Variants in CASK observed in about 807,000 individuals in gnomAD.
CASK encodes peripheral plasma membrane protein CASK.
In CASK, 4 loss-of-function variants were observed where a neutral mutation model predicts 82.9. The observed-to-expected ratio is 0.05, with a 90% CI of 0.02 to 0.11. CASK has a LOEUF of 0.11. Among genes scored for constraint, CASK ranks in the 10% least tolerant of loss-of-function variants. The pLI, the probability that CASK is intolerant of heterozygous loss-of-function variation, is 1.00. For synonymous variants in CASK, 259 were observed against 253.5 expected (o/e 1.02, Z -0.20); for missense variants, 358 against 720.9 (o/e 0.50, Z 5.76).
chrX:41,794,509 T>C (rs2069803993), intron 2 of CASK, among the ~76,000 whole-genome samples: 1 of 112,455 alleles, frequency 8.9e-6, no homozygotes, highest in Non-Finnish European at 1.9e-5. Context: ...GGCATTTGAC[T>C]ATTAGAAAAA....
chrX:41,754,086 T>C (rs1362432027), intron 3 of CASK, among the ~76,000 whole-genome samples: 5 of 111,152 alleles, frequency 4.5e-5, no homozygotes, highest in African/African-American at 1.6e-4. Flanking sequence ...AATTTACTGC[T>C]ATAAATGTAC....
intron 9 of CASK, among the ~76,000 whole-genome samples, chrX:41,633,766 CTT>C (rs1247479508): frequency 9.7e-6 from 1 of 103,095 alleles, no homozygotes; most frequent in Non-Finnish European, 2.0e-5. Flanking sequence ...TCTTTTTTCT[CTT>C]TTTTTTTTTG....
At chrX:41,858,122 T>C (rs765552996) in intron 1 of CASK, among the ~76,000 whole-genome samples, 2 of 111,687 alleles carry the variant, frequency 1.8e-5, no homozygotes, top group Non-Finnish European at 3.8e-5. Context: ...ATAAAAAGCA[T>C]GCCTGGAGAC....
At chrX:41,810,848 CAG>C (rs1427318405) in intron 2 of CASK, among the ~76,000 whole-genome samples, 1 of 111,533 alleles carries the variant, frequency 9.0e-6, no homozygotes, top group African/African-American at 3.3e-5. Context: ...ATCTCACGTG[CAG>C]AGACACACAT....
intron 1 of CASK, among the ~76,000 whole-genome samples, chrX:41,902,752 A>G (rs1055006353): frequency 1.8e-5 from 2 of 112,287 alleles, no homozygotes; most frequent in African/African-American, 6.5e-5. Context: ...TGATGTTAGC[A>G]TAAAGTTAGA....
intron 12 of CASK, among the ~76,000 whole-genome samples, chrX:41,593,716 A>G (rs2065778414): frequency 8.9e-6 from 1 of 112,580 alleles, no homozygotes; most frequent in South Asian, 3.7e-4. Context: ...AGAGACTCAA[A>G]ATACTTTAGT....
At chrX:41,858,086 G>A (rs907037728) in intron 1 of CASK, among the ~76,000 whole-genome samples, 2 of 112,122 alleles carry the variant, frequency 1.8e-5, no homozygotes, top group Admixed American at 9.4e-5. Context: ...ATTGTAGGAC[G>A]TGTTTGCTAA....
intron 3 of CASK, among the ~76,000 whole-genome samples, chrX:41,758,525 T>A (rs1230142605): frequency 1.9e-5 from 2 of 107,130 alleles, no homozygotes; most frequent in Admixed American, 1.0e-4. Flanking sequence ...GGTGAGAGCA[T>A]GGGGGAGTGG....
rs376196179 is a variant in CASK at position 41,816,621 on chromosome X, GA to G, written c.173-29339del. Among the ~76,000 whole-genome samples, 402 of 97,057 alleles carry G rather than the reference GA, an allele frequency of 4.1e-3. 3 individuals carry two copies. The highest frequency in any genetic ancestry group is 5.5e-3 in the Non-Finnish European group (259 of 47,519). 84.3% of individuals were successfully genotyped at this position (97,057 alleles called of 115,157 possible). On this transcript the variant is annotated intron_variant, in intron 2 of 26. Transcript: ENST00000378163. ...GATAAACCTCTAGCCAGGCTGCTCA[GA>G]AAAAAAAAAAGAGAGAAAACACATG... is the stretch of plus-strand genomic sequence containing the variant.
intron 5 of CASK, among the ~76,000 whole-genome samples, chrX:41,712,325 C>A (rs1418119939): frequency 8.9e-6 from 1 of 112,271 alleles, no homozygotes; most frequent in Non-Finnish European, 1.9e-5. Flanking sequence ...ATACTAAATT[C>A]TTTGGTGTTT....
chrX:41,791,929 TC>T (rs1232923433), intron 2 of CASK, among the ~76,000 whole-genome samples: 10 of 111,846 alleles, frequency 8.9e-5, no homozygotes, highest in African/African-American at 3.2e-4. Context: ...TCAATTTATT[TC>T]CCTTTAAAAG....
intron 3 of CASK, among the ~76,000 whole-genome samples, chrX:41,768,092 C>T: frequency 9.0e-6 from 1 of 111,491 alleles, no homozygotes; most frequent in Non-Finnish European, 1.9e-5. Flanking sequence ...GTAATCTATA[C>T]TGTGTTATTT....
At chrX:41,664,919 A>G (rs959236750) in intron 7 of CASK, among the ~76,000 whole-genome samples, 1 of 113,117 alleles carries the variant, frequency 8.8e-6, no homozygotes, top group Non-Finnish European at 1.9e-5. Context: ...GTGCTGGCCT[A>G]AATTTAAAAT....
chrX:41,558,083 A>C (rs1404481443), intron 18 of CASK: 1 of 110,508 alleles, frequency 9.0e-6, no homozygotes, highest in Non-Finnish European at 1.9e-5. Flanking sequence ...GCAGAGACTC[A>C]AGTCAGTAGA....
At position 41,783,059 on chromosome X, in the gene CASK, G is replaced by A. The variant is rs1470662650; in HGVS notation, c.278+4119C>T. On this transcript the variant is annotated intron_variant, in intron 3 of 26. Transcript: ENST00000378163. ...ACATGGGAAGCTGAGGCAAAGAATC[G>A]CTTGAACCCAGGAGGTGGAGGCTGA... is the stretch of plus-strand genomic sequence containing the variant. Among the ~76,000 whole-genome samples the A allele has an allele frequency of 4.5e-5, 5 of 110,796 alleles. No homozygotes were observed. In the South Asian group the frequency reaches 1.9e-3, roughly 42 times the overall value.
chrX:41,878,884 G>A (rs758877247), intron 1 of CASK, among the ~76,000 whole-genome samples: 10 of 111,128 alleles, frequency 9.0e-5, no homozygotes, highest in African/African-American at 2.6e-4. Flanking sequence ...CCTTATAACT[G>A]TACTGCCTAT....
chrX:41,841,227 T>C (rs2071031907), intron 2 of CASK, among the ~76,000 whole-genome samples: 1 of 111,945 alleles, frequency 8.9e-6, no homozygotes, highest in African/African-American at 3.2e-5. Context: ...TTTTGTTTTT[T>C]TACTACAGCC....
At chrX:41,664,712 C>T (rs989618061) in intron 7 of CASK, among the ~76,000 whole-genome samples, 6 of 112,105 alleles carry the variant, frequency 5.4e-5, no homozygotes, top group African/African-American at 1.9e-4. Context: ...AATGAATTTT[C>T]AATTTTTTAC....
chrX:41,886,406 T>C (rs1442398271), intron 1 of CASK, among the ~76,000 whole-genome samples: 2 of 111,616 alleles, frequency 1.8e-5, no homozygotes, highest in African/African-American at 6.5e-5. Context: ...AAACTTAACT[T>C]TCTGAAGGAA....
Sources: gnomAD v4.1 joint callset for allele counts (sites outside exome capture counted in the v4.1 genomes callset) on GRCh38, gnomAD v4.1.1 for gene constraint, MANE v1.5 for transcripts, NCBI Gene and HGNC (gene_info 2026-07-23, HGNC 2026-07-21) for gene names.